Variants in FILIP1 observed in about 807,000 individuals in gnomAD.
The protein encoded by FILIP1 is filamin-A-interacting protein 1.
A neutral mutation model predicts 102.1 loss-of-function variants in FILIP1; 61 were observed. The observed-to-expected ratio is 0.60, with a 90% CI of 0.49 to 0.74. The LOEUF is 0.74. Ranked by LOEUF, FILIP1 falls within the 30% of genes least tolerant of loss-of-function variation. The probability of loss-of-function intolerance (pLI) is 0.00; values close to 1 mark genes in which losing one functional copy is unlikely to be tolerated. For missense variants in FILIP1, 1,314 were observed against 1,441.2 expected (o/e 0.91, Z 1.43); for synonymous variants, 491 against 526.9 (o/e 0.93, Z 0.93).
At chr6:75,386,738 C>T (rs1448603170) in intron 2 of FILIP1, among the ~76,000 whole-genome samples, 1 of 152,180 alleles carries the variant, frequency 6.6e-6, no homozygotes, top group African/African-American at 2.4e-5. Flanking sequence ...GATTTTGCAG[C>T]TGCTAAAGTG....
At chr6:75,476,486 T>G (rs1406259845) in intron 1 of FILIP1, among the ~76,000 whole-genome samples, 1 of 152,134 alleles carries the variant, frequency 6.6e-6, no homozygotes, top group Non-Finnish European at 1.5e-5. Context: ...CAACCACTAT[T>G]AATAAAGAAA....
chr6:75,384,438 C>T (rs374606406), intron 2 of FILIP1, among the ~76,000 whole-genome samples: 1 of 152,196 alleles, frequency 6.6e-6, no homozygotes, highest in Admixed American at 6.5e-5. Context: ...CTTCCTCCCC[C>T]TCTTCTTCCA....
At chr6:75,467,798 A>G (rs1218255431) in intron 1 of FILIP1, among the ~76,000 whole-genome samples, 4 of 152,204 alleles carry the variant, frequency 2.6e-5, no homozygotes, top group Non-Finnish European at 4.4e-5. Context: ...AACCAGCTCA[A>G]AACAAGAATA....
chr6:75,291,974 T>C (rs761538958), exon 7 of FILIP1: 42 of 152,232 alleles, frequency 2.8e-4, no homozygotes, highest in Admixed American at 2.0e-4. Context: ...ATAAACATAG[T>C]TGACTTTGGA....
intron 1 of FILIP1, chr6:75,458,769 C>T (rs1318996647): frequency 6.6e-6 from 1 of 152,164 alleles, no homozygotes; most frequent in African/African-American, 2.4e-5. Context: ...TCTACTCTCT[C>T]CTACTCCTAC....
intron 4 of FILIP1, among the ~76,000 whole-genome samples, chr6:75,328,445 C>G (rs1189580757): frequency 6.6e-6 from 1 of 151,904 alleles, no homozygotes; most frequent in Non-Finnish European, 1.5e-5. Context: ...TTATACTGTT[C>G]TCTTTACTTT....
At chr6:75,486,890 AG>A (rs1779804533) in intron 1 of FILIP1, among the ~76,000 whole-genome samples, 1 of 152,074 alleles carries the variant, frequency 6.6e-6, no homozygotes, top group African/African-American at 2.4e-5. Flanking sequence ...TATTACATGT[AG>A]CCATTATTAT....
chr6:75,397,026 G>A, intron 2 of FILIP1, among the ~76,000 whole-genome samples: 1 of 108,734 alleles, frequency 9.2e-6, no homozygotes, highest in East Asian at 3.3e-4. Context: ...GGGGTGGGGG[G>A]AGGGGGGAGG....
intron 1 of FILIP1, among the ~76,000 whole-genome samples, chr6:75,489,933 C>A (rs565602763): frequency 2.3e-3 from 351 of 152,074 alleles, no homozygotes; most frequent in African/African-American, 7.9e-3. Flanking sequence ...TAAATCTCAA[C>A]ACGAGCTTGC....
At chr6:75,469,671 T>C (rs1451834586) in intron 1 of FILIP1, among the ~76,000 whole-genome samples, 2 of 152,024 alleles carry the variant, frequency 1.3e-5, no homozygotes, top group Non-Finnish European at 2.9e-5. Context: ...AATAAAATAC[T>C]AGAAATTTAA....
chr6:75,298,850 G>A (rs915182002), intron 6 of FILIP1, among the ~76,000 whole-genome samples: 8 of 151,988 alleles, frequency 5.3e-5, no homozygotes, highest in Non-Finnish European at 7.4e-5. Context: ...TCCAGGAGGC[G>A]GAAGTTGCAG....
At chr6:75,331,042 T>A (rs1021943076) in intron 4 of FILIP1, among the ~76,000 whole-genome samples, 1 of 152,212 alleles carries the variant, frequency 6.6e-6, no homozygotes, top group African/African-American at 2.4e-5. Context: ...GATGATTACA[T>A]TTCTTACTAT....
At chr6:75,392,926 T>C (rs1234670526) in intron 2 of FILIP1, among the ~76,000 whole-genome samples, 1 of 152,200 alleles carries the variant, frequency 6.6e-6, no homozygotes, top group Non-Finnish European at 1.5e-5. Context: ...TCGTGAGGCC[T>C]CTCCAGCCAC....
intron 4 of FILIP1, among the ~76,000 whole-genome samples, chr6:75,344,100 C>G (rs952048040): frequency 6.6e-6 from 1 of 152,198 alleles, no homozygotes; most frequent in Non-Finnish European, 1.5e-5. Context: ...TCCATTGTAA[C>G]CCCAGCTATG....
intron 4 of FILIP1, among the ~76,000 whole-genome samples, chr6:75,350,864 T>C (rs1774774694): frequency 6.6e-6 from 1 of 152,220 alleles, no homozygotes; most frequent in African/African-American, 2.4e-5. Flanking sequence ...ACAGGTGCTC[T>C]TAGAATTATT....
At chr6:75,334,994 G>A (rs1774194865) in intron 4 of FILIP1, among the ~76,000 whole-genome samples, 1 of 152,086 alleles carries the variant, frequency 6.6e-6, no homozygotes, top group Non-Finnish European at 1.5e-5. Flanking sequence ...ATTGGGAGAG[G>A]GATACATTTG....
chr6:75,448,097 A>G (rs1389664779), intron 1 of FILIP1, among the ~76,000 whole-genome samples: 1 of 152,186 alleles, frequency 6.6e-6, no homozygotes, highest in Non-Finnish European at 1.5e-5. Flanking sequence ...ATAGCATGCC[A>G]GACACTAAAT....
intron 1 of FILIP1, among the ~76,000 whole-genome samples, chr6:75,485,887 C>A (rs1582575685): frequency 6.6e-6 from 1 of 151,620 alleles, no homozygotes; most frequent in East Asian, 1.9e-4. Flanking sequence ...CAACTCACTA[C>A]CAAAACAAAG....
At chr6:75,323,302 T>C (rs181317504) in intron 4 of FILIP1, among the ~76,000 whole-genome samples, 1 of 152,320 alleles carries the variant, frequency 6.6e-6, no homozygotes, top group Non-Finnish European at 1.5e-5. Context: ...GGTGCATACA[T>C]TTGTCAAGAT....
Sources: allele counts gnomAD v4.1 joint callset (sites outside exome capture counted in the v4.1 genomes callset), GRCh38; gene constraint gnomAD v4.1.1; transcripts MANE v1.5; gene names NCBI Gene and HGNC (gene_info 2026-07-23, HGNC 2026-07-21).